Variants in SPMIP7 observed in about 807,000 individuals in gnomAD.
SPMIP7 encodes protein SPMIP7.
At chr7:50,151,299 A>G in the SPMIP7 span, 1 of 625,438 alleles carries the variant, frequency 1.6e-6, no homozygotes, top group South Asian at 2.1e-5. Context: ...TCCTTTTTGG[A>G]CAGCCCAAGT....
the SPMIP7 span, among the ~76,000 whole-genome samples, chr7:50,104,868 A>G: frequency 6.6e-6 from 1 of 152,142 alleles, no homozygotes; most frequent in Non-Finnish European, 1.5e-5. Context: ...TCCTTCTCCT[A>G]TTCTTCTGTC....
At chr7:50,141,432 A>T in the SPMIP7 span, 1 of 1,140,950 alleles carries the variant, frequency 8.8e-7, no homozygotes, top group Non-Finnish European at 1.3e-6. Flanking sequence ...ATTACTAAGG[A>T]TGAAACATGA....
chr7:50,139,804 G>A, the SPMIP7 span, among the ~76,000 whole-genome samples: 2 of 152,124 alleles, frequency 1.3e-5, no homozygotes, highest in Admixed American at 6.5e-5. Flanking sequence ...CCTTCAGCAG[G>A]TAAATAGATA....
At chr7:50,136,123 T>C in the SPMIP7 span, 11 of 1,551,338 alleles carry the variant, frequency 7.1e-6, no homozygotes, top group African/African-American at 1.4e-5. Flanking sequence ...TGGGACAGAT[T>C]TCAAACAAGA....
chr7:50,141,557 G>T, the SPMIP7 span: 5 of 562,328 alleles, frequency 8.9e-6, no homozygotes. Context: ...GGAGATTTTG[G>T]GGATTGACTC....
At chr7:50,124,525 C>T in the SPMIP7 span, among the ~76,000 whole-genome samples, 1 of 152,088 alleles carries the variant, frequency 6.6e-6, no homozygotes, top group Admixed American at 6.5e-5. Context: ...GAATTCATCC[C>T]ACATATGTTC....
At chr7:50,158,740 G>C in the SPMIP7 span, among the ~76,000 whole-genome samples, 1 of 151,304 alleles carries the variant, frequency 6.6e-6, no homozygotes, top group Non-Finnish European at 1.5e-5. Context: ...GATTCCCCCG[G>C]CCACCCCACC....
chr7:50,134,755 C>T, the SPMIP7 span, among the ~76,000 whole-genome samples: 1 of 152,160 alleles, frequency 6.6e-6, no homozygotes, highest in Non-Finnish European at 1.5e-5. Flanking sequence ...GACACTCATT[C>T]TTTTTATTTC....
At chr7:50,146,430 C>G in the SPMIP7 span, among the ~76,000 whole-genome samples, 8 of 152,170 alleles carry the variant, frequency 5.3e-5, no homozygotes, top group Admixed American at 4.6e-4. Flanking sequence ...TCTACATTCC[C>G]TCCTAAATGG....
the SPMIP7 span, among the ~76,000 whole-genome samples, chr7:50,100,658 A>G: frequency 2.6e-5 from 4 of 151,984 alleles, no homozygotes; most frequent in African/African-American, 9.7e-5. Flanking sequence ...TAAAAATACA[A>G]AAAATTAGCC....
the SPMIP7 span, chr7:50,141,277 A>G: frequency 6.5e-7 from 1 of 1,532,626 alleles, no homozygotes; most frequent in Non-Finnish European, 8.9e-7. Flanking sequence ...TTCCATTCTA[A>G]CAGTGGTCAT....
At chr7:50,123,372 A>G in the SPMIP7 span, among the ~76,000 whole-genome samples, 3 of 134,658 alleles carry the variant, frequency 2.2e-5, no homozygotes, top group Non-Finnish European at 4.7e-5. Context: ...AACAATGAGA[A>G]CACATGGACA....
the SPMIP7 span, among the ~76,000 whole-genome samples, chr7:50,120,683 G>A: frequency 3.3e-5 from 5 of 152,170 alleles, no homozygotes; most frequent in South Asian, 2.1e-4. Context: ...GTTTGCAGGC[G>A]TCCTAAATGG....
chr7:50,136,337 G>A, the SPMIP7 span, among the ~76,000 whole-genome samples: 1 of 152,128 alleles, frequency 6.6e-6, no homozygotes, highest in Non-Finnish European at 1.5e-5. Context: ...GAAATCCCAG[G>A]ACAGTTGCTC....
chr7:50,108,282 G>A, the SPMIP7 span, among the ~76,000 whole-genome samples: 118,303 of 152,102 alleles, frequency 0.78, 46,118 homozygotes, highest in East Asian at 0.88. Flanking sequence ...CAAGAAAATA[G>A]CCACTAGAAA....
the SPMIP7 span, chr7:50,096,188 C>T: frequency 3.5e-5 from 55 of 1,551,716 alleles, no homozygotes; most frequent in Non-Finnish European, 4.7e-5. Flanking sequence ...CTATTGTGAT[C>T]TCTTAAGAAA....
the SPMIP7 span, among the ~76,000 whole-genome samples, chr7:50,156,003 C>T: frequency 6.6e-6 from 1 of 152,154 alleles, no homozygotes; most frequent in South Asian, 2.1e-4. Context: ...TCGTGCTGGG[C>T]CCAGATGTCA....
the SPMIP7 span, among the ~76,000 whole-genome samples, chr7:50,149,440 G>A: frequency 1.3e-5 from 2 of 152,206 alleles, no homozygotes; most frequent in African/African-American, 2.4e-5. Context: ...TAAGAGGTTA[G>A]TGTTGTCCTC....
the SPMIP7 span, among the ~76,000 whole-genome samples, chr7:50,147,521 A>T: frequency 6.6e-6 from 1 of 152,244 alleles, no homozygotes; most frequent in African/African-American, 2.4e-5. Flanking sequence ...GGAATATAGA[A>T]CATACTCAAT....
Sources: gnomAD v4.1 joint callset for allele counts (sites outside exome capture counted in the v4.1 genomes callset) on GRCh38, gnomAD v4.1.1 for gene constraint, MANE v1.5 for transcripts, NCBI Gene and HGNC (gene_info 2026-07-23, HGNC 2026-07-21) for gene names.